Variants in UMAD1 observed in about 807,000 individuals in gnomAD.
UMAD1 encodes UBAP1-MVB12-associated (UMA) domain containing 1.
In UMAD1, 8 loss-of-function variants were observed where a neutral mutation model predicts 6.1. The ratio of observed to expected loss-of-function variants is 1.30; its 90% CI spans 0.76 to 2.35. The LOEUF (loss-of-function observed/expected upper bound fraction) is 2.35, where lower values mean the gene tolerates loss of function less well. UMAD1 is among the 30% of genes most tolerant of loss of function. The pLI, the probability that UMAD1 is intolerant of heterozygous loss-of-function variation, is 0.00. For missense variants in UMAD1, 130 were observed against 78.4 expected, an observed-to-expected ratio of 1.66 and a Z score of -2.49; for synonymous variants, 56 against 31.4, an observed-to-expected ratio of 1.78 and a Z score of -2.61.
At chr7:7,747,897 C>T (rs1781602778) in intron 2 of UMAD1, among the ~76,000 whole-genome samples, 1 of 152,072 alleles carries the variant, frequency 6.6e-6, no homozygotes, top group Non-Finnish European at 1.5e-5. Context: ...GATGATGTGC[C>T]ATTTCTGAGC....
chr7:7,751,287 A>C (rs1019177849), intron 2 of UMAD1, among the ~76,000 whole-genome samples: 1 of 152,204 alleles, frequency 6.6e-6, no homozygotes, highest in African/African-American at 2.4e-5. Context: ...GGGGCAAATA[A>C]AACTTTTAGA....
At chr7:7,688,231 G>T (rs1563123507) in intron 2 of UMAD1, among the ~76,000 whole-genome samples, 1 of 152,068 alleles carries the variant, frequency 6.6e-6, no homozygotes, top group Non-Finnish European at 1.5e-5. Context: ...TGTTGCTTTG[G>T]TTTACTAGCT....
chr7:7,768,300 T>G (rs1239351505), intron 2 of UMAD1, among the ~76,000 whole-genome samples: 2 of 152,176 alleles, frequency 1.3e-5, no homozygotes, highest in Non-Finnish European at 2.9e-5. Flanking sequence ...AGAACAAGCA[T>G]AATTTTGCCA....
chr7:7,717,569 T>C (rs1228717555), intron 2 of UMAD1, among the ~76,000 whole-genome samples: 2 of 152,232 alleles, frequency 1.3e-5, no homozygotes, highest in Non-Finnish European at 2.9e-5. Flanking sequence ...TTTCCCACTT[T>C]AACTGATTTT....
chr7:7,867,598 A>G (rs6963906), intron 3 of UMAD1, among the ~76,000 whole-genome samples: 260 of 152,232 alleles, frequency 1.7e-3, no homozygotes, highest in African/African-American at 5.2e-3. Flanking sequence ...TTAGCAAGAG[A>G]GTGATTATTA....
chr7:7,789,949 G>A (rs975377218), intron 2 of UMAD1, among the ~76,000 whole-genome samples: 8 of 152,038 alleles, frequency 5.3e-5, no homozygotes, highest in African/African-American at 1.4e-4. Context: ...CTCTGCTTTC[G>A]GTTCCTTTGG....
At chr7:7,764,864 A>C (rs1342600660) in intron 2 of UMAD1, among the ~76,000 whole-genome samples, 2 of 152,070 alleles carry the variant, frequency 1.3e-5, no homozygotes, top group Non-Finnish European at 2.9e-5. Flanking sequence ...CTGATCTCCA[A>C]AACTGGCCTG....
chr7:7,701,515 C>G (rs561839704), intron 2 of UMAD1, among the ~76,000 whole-genome samples: 1 of 152,188 alleles, frequency 6.6e-6, no homozygotes, highest in Non-Finnish European at 1.5e-5. Context: ...TAAATCTGTG[C>G]TGCTTTGTGA....
intron 3 of UMAD1, among the ~76,000 whole-genome samples, chr7:7,853,624 A>G (rs1406009765): frequency 6.6e-6 from 1 of 152,180 alleles, no homozygotes; most frequent in Non-Finnish European, 1.5e-5. Flanking sequence ...TTCCAAGTAT[A>G]TAGAAATACA....
chr7:7,651,247 A>G (rs996900572), intron 1 of UMAD1, among the ~76,000 whole-genome samples: 4 of 152,238 alleles, frequency 2.6e-5, no homozygotes, highest in African/African-American at 9.6e-5. Context: ...CCACAAAAGT[A>G]TATGTTAGTA....
At chr7:7,644,535 G>T (rs933137622) in intron 1 of UMAD1, among the ~76,000 whole-genome samples, 3 of 151,896 alleles carry the variant, frequency 2.0e-5, no homozygotes, top group African/African-American at 7.3e-5. Flanking sequence ...TTAATAGTCC[G>T]TCATCTAGAA....
chr7:7,778,779 G>T (rs1202142221), intron 2 of UMAD1, among the ~76,000 whole-genome samples: 6 of 152,118 alleles, frequency 3.9e-5, no homozygotes, highest in Admixed American at 3.9e-4. Context: ...TTGTGAATTA[G>T]GGGCTGCTGC....
intron 2 of UMAD1, chr7:7,676,028 C>T: frequency 2.5e-6 from 1 of 397,646 alleles, no homozygotes; most frequent in Non-Finnish European, 4.4e-6. Context: ...TATCAGTCAG[C>T]ATCATGTCTC....
intron 3 of UMAD1, among the ~76,000 whole-genome samples, chr7:7,859,850 G>A (rs1784082475): frequency 6.6e-6 from 1 of 152,158 alleles, no homozygotes; most frequent in Non-Finnish European, 1.5e-5. Flanking sequence ...TGATCTGAAA[G>A]CATTTTTTCA....
chr7:7,843,553 G>C (rs775291362), intron 3 of UMAD1, among the ~76,000 whole-genome samples: 1 of 151,562 alleles, frequency 6.6e-6, no homozygotes, highest in Non-Finnish European at 1.5e-5. Flanking sequence ...AGGAGATGAA[G>C]TATACTACCT....
At chr7:7,668,596 A>G (rs1287700155) in intron 1 of UMAD1, among the ~76,000 whole-genome samples, 1 of 152,234 alleles carries the variant, frequency 6.6e-6, no homozygotes, top group East Asian at 1.9e-4. Flanking sequence ...TAAGTGAAAC[A>G]ACATGTAATG....
intron 3 of UMAD1, among the ~76,000 whole-genome samples, chr7:7,858,542 G>C (rs1784060814): frequency 6.6e-6 from 1 of 152,182 alleles, no homozygotes; most frequent in African/African-American, 2.4e-5. Flanking sequence ...AGGAAAATCT[G>C]GTACTGGGTT....
At chr7:7,655,790 G>T (rs922984428) in intron 1 of UMAD1, among the ~76,000 whole-genome samples, 1 of 151,554 alleles carries the variant, frequency 6.6e-6, no homozygotes, top group Non-Finnish European at 1.5e-5. Flanking sequence ...ATTTTTGTAG[G>T]TATATAGTAA....
intron 2 of UMAD1, chr7:7,772,363 A>G (rs563745507): frequency 6.6e-6 from 1 of 152,348 alleles, no homozygotes; most frequent in South Asian, 2.1e-4. Context: ...TGTTCTTTGC[A>G]GTCATTCTTT....
Sources: gnomAD v4.1 joint callset for allele counts (sites outside exome capture counted in the v4.1 genomes callset) on GRCh38, gnomAD v4.1.1 for gene constraint, MANE v1.5 for transcripts, NCBI Gene and HGNC (gene_info 2026-07-23, HGNC 2026-07-21) for gene names.